Variants in CATSPERE observed in about 807,000 individuals in gnomAD.
The protein encoded by CATSPERE is catsper channel auxiliary subunit epsilon.
In CATSPERE, 93 loss-of-function variants were observed where a neutral mutation model predicts 114.1. The ratio of observed to expected loss-of-function variants is 0.81; its 90% CI spans 0.69 to 0.97. The LOEUF is 0.97. Among genes scored for constraint, CATSPERE ranks in the 50% least tolerant of loss-of-function variants. CATSPERE has a pLI of 0.00. For synonymous variants in CATSPERE, 341 were observed against 384.1 expected (o/e 0.89, Z 1.31); for missense variants, 1,058 against 1,131.6 (o/e 0.93, Z 0.93).
chr1:244,566,221 A>G (rs546853968), intron 10 of CATSPERE, among the ~76,000 whole-genome samples: 1 of 152,276 alleles, frequency 6.6e-6, no homozygotes, highest in South Asian at 2.1e-4. Context: ...GCATTTGCTA[A>G]GGAGTGTTTT....
chr1:244,467,541 G>A (rs1667788849), intron 2 of CATSPERE, among the ~76,000 whole-genome samples: 1 of 152,184 alleles, frequency 6.6e-6, no homozygotes, highest in African/African-American at 2.4e-5. Context: ...TAACCACTTT[G>A]AAAACCTGTT....
At chr1:244,557,584 A>ATATATATAT (rs1558491907) in intron 9 of CATSPERE, among the ~76,000 whole-genome samples, 1 of 34,638 alleles carries the variant, frequency 2.9e-5, no homozygotes, top group Non-Finnish European at 6.6e-5. Context: ...TATATATATA[A>ATATATATAT]AATCTCCCAG....
intron 2 of CATSPERE, among the ~76,000 whole-genome samples, chr1:244,469,245 ATAAAT>A (rs1303069298): frequency 2.0e-5 from 3 of 152,162 alleles, no homozygotes; most frequent in Non-Finnish European, 4.4e-5. Flanking sequence ...CATAAAATAT[ATAAAT>A]TAGTATAATT....
Position 244,491,153 on chromosome 1 carries a change from C to T in CATSPERE, c.351+682C>T, listed in dbSNP as rs1018288679. 3.3e-5 allele frequency among the ~76,000 whole-genome samples: 5 copies of T among 152,094 alleles called. No homozygotes were observed. In the East Asian group the frequency reaches 7.7e-4, roughly 23 times the overall value. ...TCAACAGAATATACATTTTTTTCAG[C>T]ACCACACCACACCTATTCCAAAATT... On this transcript the variant is annotated intron_variant, in intron 6 of 21. Coordinates refer to ENST00000366534, the MANE Select transcript of CATSPERE (RefSeq NM_001130957.2).
intron 5 of CATSPERE, among the ~76,000 whole-genome samples, chr1:244,488,329 A>G (rs966944763): frequency 6.6e-6 from 1 of 151,388 alleles, no homozygotes; most frequent in African/African-American, 2.4e-5. Context: ...TCATTCCTTC[A>G]CTCCCTAATA....
In CATSPERE at chr1:244,621,195, T is replaced by TTATATAAATATATCTATATATTA. The variant is rs1558610298; in HGVS notation, c.2648+3515_2648+3516insAATATATCTATATATTATATATA. On this transcript the variant is annotated intron_variant, in intron 20 of 21. Transcript: ENST00000366534. ...TATAGATATATTTATATAGATATATTTATATAGATATATTTATATATATAT... is the reference window on the plus strand; with the variant it reads ...TATAGATATATTTATATAGATATATTTATATAAATATATCTATATATTATATATAGATATATTTATATATATAT... 7.4e-3 allele frequency among the ~76,000 whole-genome samples: 89 copies of TTATATAAATATATCTATATATTA among 12,004 alleles called. 7 individuals carry two copies. Among genetic ancestry groups the TTATATAAATATATCTATATATTA allele is most frequent in the Non-Finnish European group, 0.012 (66 of 5,474 alleles). 7.9% of individuals were successfully genotyped at this position (12,004 alleles called of 152,430 possible).
intron 2 of CATSPERE, among the ~76,000 whole-genome samples, chr1:244,469,163 A>G (rs527928427): frequency 1.3e-5 from 2 of 152,278 alleles, no homozygotes; most frequent in Admixed American, 1.3e-4. Context: ...AAGCTTGGTA[A>G]TTTCCACAGA....
chr1:244,485,522 T>C lies in CATSPERE; in HGVS notation c.327-4925T>C, dbSNP rs192253745. ...CGTTCTCCCTTATTCTTTTTTTTTC[T>C]TTCTAGATTTTCTTAAGAGAAATGT... On this transcript the variant is annotated intron_variant, in intron 5 of 21. Coordinates refer to ENST00000366534, the MANE Select transcript of CATSPERE (RefSeq NM_001130957.2). Among the ~76,000 whole-genome samples, 24 of 152,200 alleles carry C rather than the reference T, an allele frequency of 1.6e-4. No homozygotes were observed. The East Asian group carries it at 4.4e-3, about 28-fold the overall frequency.
At chr1:244,531,455 CTGTGGATCTAT>C (rs1679582509) in intron 8 of CATSPERE, among the ~76,000 whole-genome samples, 1 of 152,030 alleles carries the variant, frequency 6.6e-6, no homozygotes, top group Admixed American at 6.6e-5. Flanking sequence ...ATGATACTAA[CTGTGGATCTAT>C]CATATATGGC....
chr1:244,596,737 G>GCACGT (rs1360609337), intron 17 of CATSPERE, among the ~76,000 whole-genome samples: 2 of 149,320 alleles, frequency 1.3e-5, no homozygotes, highest in Non-Finnish European at 3.0e-5. Context: ...TAACAAACCT[G>GCACGT]CACGTTCAGT....
intron 5 of CATSPERE, among the ~76,000 whole-genome samples, chr1:244,486,892 C>T (rs1452608170): frequency 3.2e-4 from 24 of 73,918 alleles, no homozygotes; most frequent in Non-Finnish European, 4.3e-4. Flanking sequence ...GGTGGGTGGT[C>T]CAGCATGTGG....
rs1307447226 is a variant in CATSPERE at position 244,490,438 on chromosome 1, T to G, written c.327-9T>G. On this transcript the variant is annotated splice_polypyrimidine_tract_variant and intron_variant, in intron 5 of 21. Coordinates refer to ENST00000366534, the MANE Select transcript of CATSPERE (RefSeq NM_001130957.2). The stretch of plus-strand genomic sequence containing the variant: ...TTTACTAAAATATGTTTCCTCTTTT[T>G]CCAAGCAGACATTTCTTTAACAACT... 2.6e-6 allele frequency: 4 copies of G among 1,540,636 alleles called. No individual in the cohort carries two copies. In the South Asian group the frequency reaches 3.4e-5, roughly 13 times the overall value.
chr1:244,495,232 C>A (rs544373144), intron 6 of CATSPERE, among the ~76,000 whole-genome samples: 9 of 152,070 alleles, frequency 5.9e-5, no homozygotes, highest in Non-Finnish European at 1.2e-4. Flanking sequence ...TGAATTAGAA[C>A]AGAATGTGAG....
chr1:244,597,709 A>G (rs1668640002), intron 17 of CATSPERE, among the ~76,000 whole-genome samples: 1 of 152,168 alleles, frequency 6.6e-6, no homozygotes, highest in Admixed American at 6.5e-5. Flanking sequence ...GTGTTTTTGA[A>G]TAGCGGTTTA....
intron 21 of CATSPERE, chr1:244,636,611 A>G (rs1674655253): frequency 6.6e-6 from 1 of 152,540 alleles, no homozygotes; most frequent in African/African-American, 2.4e-5. Context: ...GTACCCACCA[A>G]CCGAAGAAGG....
At chr1:244,463,809 C>T in intron 1 of CATSPERE, 99 bp from the exon 2 acceptor site, 1 of 1,043,272 alleles carries the variant, frequency 9.6e-7, no homozygotes, top group Non-Finnish European at 1.5e-6. Context: ...AGAAAGGTGA[C>T]ACTCCTGGCA....
chr1:244,473,152 AGG>A (rs141589217), intron 2 of CATSPERE, among the ~76,000 whole-genome samples: 2,730 of 152,304 alleles, frequency 0.018, 84 homozygotes, highest in African/African-American at 0.063. Context: ...GATATATGGT[AGG>A]AGTATGTTTA....
intron 8 of CATSPERE, among the ~76,000 whole-genome samples, chr1:244,539,639 C>T (rs1261200582): frequency 3.3e-5 from 5 of 150,016 alleles, no homozygotes; most frequent in African/African-American, 1.2e-4. Flanking sequence ...TGATTATTGC[C>T]ACAGTTTCAG....
intron 8 of CATSPERE, among the ~76,000 whole-genome samples, chr1:244,528,305 A>G (rs1330917669): frequency 6.6e-6 from 1 of 152,218 alleles, no homozygotes; most frequent in Non-Finnish European, 1.5e-5. Context: ...CTAAAAATGT[A>G]TACACTATAC....
Sources: allele counts gnomAD v4.1 joint callset (sites outside exome capture counted in the v4.1 genomes callset), GRCh38; gene constraint gnomAD v4.1.1; transcripts MANE v1.5; gene names NCBI Gene and HGNC (gene_info 2026-07-23, HGNC 2026-07-21).